GTF2A1L: variants seen among roughly 807,000 people sequenced by gnomAD.
GTF2A1L encodes the protein general transcription factor IIA subunit 1 like, also known as TFIIA-alpha and beta-like factor.
GTF2A1L carries 48 observed loss-of-function variants against 49.7 expected under a neutral mutation model. That is an observed-to-expected ratio of 0.97 (90% CI 0.77 to 1.23). The LOEUF (loss-of-function observed/expected upper bound fraction) is 1.23, where lower values mean the gene tolerates loss of function less well. Among genes scored for constraint, GTF2A1L ranks in the 50% most tolerant of loss-of-function variants. GTF2A1L has a pLI of 0.00. For synonymous variants in GTF2A1L, 246 were observed against 193.5 expected (o/e 1.27, Z -2.25); for missense variants, 736 against 564.8 (o/e 1.30, Z -3.07).
intron 3 of GTF2A1L, among the ~76,000 whole-genome samples, chr2:48,628,795 G>A (rs1019135188): frequency 2.1e-5 from 3 of 143,748 alleles, no homozygotes; most frequent in Non-Finnish European, 4.7e-5. Context: ...TTCCAAGGCC[G>A]ATTTCTAGAA....
intron 6 of GTF2A1L, among the ~76,000 whole-genome samples, chr2:48,654,369 G>A (rs1678048364): frequency 2.0e-5 from 3 of 151,948 alleles, no homozygotes; most frequent in Non-Finnish European, 4.4e-5. Flanking sequence ...TTCTGGGCTA[G>A]TTTTGTATAT....
Position 48,646,563 on chromosome 2 carries a change from G to A in GTF2A1L, c.499G>A (p.Val167Ile). Residue 167 changes from valine to isoleucine, a missense_variant, in exon 6 of 9, where the codon GTA (valine) becomes ATA (isoleucine). Transcript: ENST00000403751. ...QVFQQLGQPS[V>I]IQTSVPQLNP... is the part of the protein sequence containing the mutation. ...ATTTCAACAGCTTGGCCAGCCTTCA[G>A]TAATACAAACTAGTGTTCCACAATT... 1 of 1,614,108 alleles carries A rather than the reference G, an allele frequency of 6.2e-7. No homozygotes were observed. Among genetic ancestry groups the A allele is most frequent in the Non-Finnish European group, 8.5e-7 (1 of 1,180,038 alleles).
chr2:48,657,643 G>A (rs1211078457), intron 6 of GTF2A1L, among the ~76,000 whole-genome samples: 2 of 152,008 alleles, frequency 1.3e-5, no homozygotes, highest in South Asian at 2.1e-4. Flanking sequence ...TGGATTGAAC[G>A]GTAGCTCTAT....
At chr2:48,635,446 G>A (rs1341344503) in intron 3 of GTF2A1L, among the ~76,000 whole-genome samples, 2 of 151,938 alleles carry the variant, frequency 1.3e-5, no homozygotes, top group East Asian at 1.9e-4. Flanking sequence ...CTTGGGGGGT[G>A]GAGCAGAGGG....
chr2:48,664,045 G>T (rs1417984393), intron 6 of GTF2A1L, among the ~76,000 whole-genome samples: 1 of 152,086 alleles, frequency 6.6e-6, no homozygotes, highest in Admixed American at 6.5e-5. Flanking sequence ...TAGTTGTTTT[G>T]TAGACCATTT....
intron 8 of GTF2A1L, among the ~76,000 whole-genome samples, chr2:48,674,239 T>G (rs1306070490): frequency 6.6e-6 from 1 of 152,228 alleles, no homozygotes; most frequent in East Asian, 1.9e-4. Flanking sequence ...AGGGTTTCAA[T>G]TTCTCCACAT....
At chr2:48,652,524 A>G (rs1677911247) in intron 6 of GTF2A1L, among the ~76,000 whole-genome samples, 1 of 151,190 alleles carries the variant, frequency 6.6e-6, no homozygotes, top group African/African-American at 2.4e-5. Flanking sequence ...CTGAGGCAAG[A>G]GAATCACTTG....
chr2:48,626,213 C>G lies in GTF2A1L; in HGVS notation c.247+4923C>G, dbSNP rs569617812. 3.3e-4 allele frequency among the ~76,000 whole-genome samples: 47 copies of G among 143,934 alleles called. 4 individuals are homozygous for G. The highest frequency in any genetic ancestry group is 2.3e-3 in the East Asian group (12 of 5,122). The allele number at this position is 143,934 out of a possible 152,430, so 94.4% of individuals were successfully genotyped here. Reference sequence around the variant, plus strand: ...TGGGTTTATTTCTGGGCTCTCTATACTGTTCTGCTGGTCTTTGTGTCTGTT... The same window carrying G: ...TGGGTTTATTTCTGGGCTCTCTATAGTGTTCTGCTGGTCTTTGTGTCTGTT... On this transcript the variant is annotated intron_variant, in intron 3 of 8. Coordinates refer to ENST00000403751, the MANE Select transcript of GTF2A1L (RefSeq NM_006872.5).
rs56691277 is a variant in GTF2A1L, at chr2:48,637,425, A to G, written c.248-4977A>G. On this transcript the variant is annotated intron_variant, in intron 3 of 8. Coordinates refer to ENST00000403751, the MANE Select transcript of GTF2A1L (RefSeq NM_006872.5). Reference sequence around the variant, plus strand: ...TTTATTGTTAAATTTACTATTTCTAATGAGAACAAAGATACAATATACCAG... The same window carrying G: ...TTTATTGTTAAATTTACTATTTCTAGTGAGAACAAAGATACAATATACCAG... Among the ~76,000 whole-genome samples, 1,068 of 152,304 alleles carry G rather than the reference A, an allele frequency of 7.0e-3. 22 individuals are homozygous for G. Among genetic ancestry groups the G allele is most frequent in the African/African-American group, 0.024 (995 of 41,570 alleles).
intron 3 of GTF2A1L, among the ~76,000 whole-genome samples, chr2:48,629,500 A>C (rs560063969): frequency 6.9e-6 from 1 of 143,936 alleles, no homozygotes; most frequent in Non-Finnish European, 1.6e-5. Context: ...GCTGCCTTGC[A>C]TTTATCACTG....
intron 3 of GTF2A1L, among the ~76,000 whole-genome samples, chr2:48,637,920 A>C (rs1407140955): frequency 6.6e-6 from 1 of 152,178 alleles, no homozygotes; most frequent in African/African-American, 2.4e-5. Flanking sequence ...ACAGAAATAA[A>C]AATAACCATC....
At chr2:48,657,307 C>G (rs1678236529) in intron 6 of GTF2A1L, among the ~76,000 whole-genome samples, 1 of 152,134 alleles carries the variant, frequency 6.6e-6, no homozygotes, top group African/African-American at 2.4e-5. Flanking sequence ...CACTGGGTGT[C>G]CGTATGTGCC....
chr2:48,647,118 A>G (rs1410967627), intron 6 of GTF2A1L, 76 bp downstream of exon 6: 40 of 1,237,526 alleles, frequency 3.2e-5, no homozygotes, highest in Non-Finnish European at 4.0e-5. Flanking sequence ...AATATTTTCA[A>G]GCTGTAATGT....
intron 6 of GTF2A1L, among the ~76,000 whole-genome samples, chr2:48,665,560 T>G (rs533078753): frequency 7.2e-5 from 11 of 152,172 alleles, no homozygotes; most frequent in Non-Finnish European, 1.3e-4. Context: ...ATTTATCTTA[T>G]GATTTAGTCT....
chr2:48,631,163 C>T (rs575960893), intron 3 of GTF2A1L, among the ~76,000 whole-genome samples: 1 of 152,092 alleles, frequency 6.6e-6, no homozygotes, highest in African/African-American at 2.4e-5. Flanking sequence ...CCCTTCTCCT[C>T]AACATTTTGG....
chr2:48,649,957 G>C (rs1677753216), intron 6 of GTF2A1L, among the ~76,000 whole-genome samples: 1 of 151,974 alleles, frequency 6.6e-6, no homozygotes, highest in Non-Finnish European at 1.5e-5. Context: ...CCCTCTATTT[G>C]ATGCCTGGAG....
chr2:48,640,178 C>T (rs1268680603), intron 3 of GTF2A1L, among the ~76,000 whole-genome samples: 1 of 152,096 alleles, frequency 6.6e-6, no homozygotes, highest in Non-Finnish European at 1.5e-5. Flanking sequence ...GCTATTTGAC[C>T]CAGCAATCTC....
chr2:48,657,791 T>G (rs540651036), intron 6 of GTF2A1L, among the ~76,000 whole-genome samples: 1 of 151,810 alleles, frequency 6.6e-6, no homozygotes, highest in African/African-American at 2.4e-5. Flanking sequence ...TTTAATAATA[T>G]CCATTCTGAC....
chr2:48,657,962 T>C (rs544373722), intron 6 of GTF2A1L, among the ~76,000 whole-genome samples: 1 of 152,290 alleles, frequency 6.6e-6, no homozygotes, highest in African/African-American at 2.4e-5. Flanking sequence ...ATTTGATTTT[T>C]GCTTGTTGAA....
Sources: gnomAD v4.1 joint callset for allele counts (sites outside exome capture counted in the v4.1 genomes callset) on GRCh38, gnomAD v4.1.1 for gene constraint, MANE v1.5 for transcripts, NCBI Gene and HGNC (gene_info 2026-07-23, HGNC 2026-07-21) for gene names.